The following INPP4B variants were observed in gnomAD, a reference collection of about 807,000 sequenced individuals.
The protein encoded by INPP4B is inositol polyphosphate-4-phosphatase type II B.
Under a neutral mutation model 122.5 loss-of-function variants are expected in INPP4B, and 55 were observed. The ratio of observed to expected loss-of-function variants is 0.45; its 90% CI spans 0.36 to 0.56. The LOEUF is 0.56. INPP4B is among the 20% of genes least tolerant of loss of function. The pLI, the probability that INPP4B is intolerant of heterozygous loss-of-function variation, is 0.00. For synonymous variants in INPP4B, 403 were observed against 388.7 expected, an observed-to-expected ratio of 1.04 and a Z score of -0.43; for missense variants, 1,000 against 1,097.7, an observed-to-expected ratio of 0.91 and a Z score of 1.26.
At chr4:142,227,871 A>AG (rs1363242903) in intron 12 of INPP4B, among the ~76,000 whole-genome samples, 9 of 150,322 alleles carry the variant, frequency 6.0e-5, no homozygotes, top group South Asian at 4.2e-4. Context: ...AAAAAAAAAA[A>AG]AAAAAAAAAG....
At chr4:142,699,732 C>T (rs879621713) in intron 2 of INPP4B, among the ~76,000 whole-genome samples, 1 of 152,142 alleles carries the variant, frequency 6.6e-6, no homozygotes, top group Non-Finnish European at 1.5e-5. Flanking sequence ...AAAATATAAG[C>T]AACTGGAAGA....
At chr4:142,070,381 T>C (rs1051382490) in intron 25 of INPP4B, among the ~76,000 whole-genome samples, 1 of 152,198 alleles carries the variant, frequency 6.6e-6, no homozygotes, top group African/African-American at 2.4e-5. Flanking sequence ...GCCAATATCA[T>C]ACTGAATGGG....
chr4:142,163,651 G>C (rs1251860090), intron 16 of INPP4B, among the ~76,000 whole-genome samples: 2 of 151,768 alleles, frequency 1.3e-5, no homozygotes, highest in Non-Finnish European at 2.9e-5. Context: ...AAATTAAATT[G>C]TATCATAGCT....
chr4:142,431,947 G>A (rs190734343), intron 3 of INPP4B, among the ~76,000 whole-genome samples: 1 of 151,890 alleles, frequency 6.6e-6, no homozygotes, highest in Non-Finnish European at 1.5e-5. Flanking sequence ...ACTTGATAAA[G>A]GTGTAATTGT....
chr4:142,241,890 T>A (rs181039686), intron 11 of INPP4B, among the ~76,000 whole-genome samples: 36 of 152,312 alleles, frequency 2.4e-4, no homozygotes, highest in Admixed American at 2.4e-3. Flanking sequence ...AATCTGTGAT[T>A]ATCTTCACAC....
intron 7 of INPP4B, among the ~76,000 whole-genome samples, chr4:142,319,034 G>T (rs1361051905): frequency 6.6e-6 from 1 of 152,100 alleles, no homozygotes; most frequent in Non-Finnish European, 1.5e-5. Flanking sequence ...TCCATTTTTT[G>T]CAGGTGAGTA....
chr4:142,173,986 C>T (rs79702552), intron 15 of INPP4B, among the ~76,000 whole-genome samples, 177 bp from the exon 16 acceptor site: 14,898 of 151,952 alleles, frequency 0.098, 807 homozygotes, highest in Middle Eastern at 0.14. Context: ...GACGAAAATG[C>T]TTTTTAAAAC....
intron 1 of INPP4B, among the ~76,000 whole-genome samples, chr4:142,810,791 C>T (rs1779415203): frequency 6.6e-6 from 1 of 152,188 alleles, no homozygotes; most frequent in South Asian, 2.1e-4. Flanking sequence ...AAGAAATTTT[C>T]CAGGACCGAA....
chr4:142,110,890 G>A (rs1407731689), intron 22 of INPP4B, among the ~76,000 whole-genome samples: 2 of 152,078 alleles, frequency 1.3e-5, no homozygotes, highest in East Asian at 1.9e-4. Flanking sequence ...GTAAATGGAA[G>A]AGTCTCATAT....
At chr4:142,627,329 C>T (rs1746691698) in intron 2 of INPP4B, among the ~76,000 whole-genome samples, 1 of 149,220 alleles carries the variant, frequency 6.7e-6, no homozygotes, top group Non-Finnish European at 1.5e-5. Flanking sequence ...CTGTCTTATG[C>T]CAGTTTTCAA....
intron 2 of INPP4B, among the ~76,000 whole-genome samples, chr4:142,645,073 C>G (rs944453982): frequency 6.6e-6 from 1 of 151,934 alleles, no homozygotes; most frequent in Admixed American, 6.6e-5. Flanking sequence ...TACTAGTCAT[C>G]AACAAACAAA....
intron 1 of INPP4B, among the ~76,000 whole-genome samples, chr4:142,790,698 TTAAC>T (rs942265086): frequency 7.2e-5 from 11 of 152,042 alleles, no homozygotes; most frequent in African/African-American, 2.4e-4. Flanking sequence ...ATTAAACTGA[TTAAC>T]TATTAAACTG....
At chr4:142,812,134 T>C (rs191711199) in intron 1 of INPP4B, among the ~76,000 whole-genome samples, 1 of 152,286 alleles carries the variant, frequency 6.6e-6, no homozygotes, top group Admixed American at 6.5e-5. Flanking sequence ...AATTAAAGCC[T>C]CTTACAGTTA....
chr4:142,605,138 T>A (rs1165042063), intron 2 of INPP4B, among the ~76,000 whole-genome samples: 1 of 151,906 alleles, frequency 6.6e-6, no homozygotes, highest in African/African-American at 2.4e-5. Flanking sequence ...CAAGACTGAC[T>A]CCAAATAAAC....
Position 142,402,938 on chromosome 4 carries a change from G to A in INPP4B, c.372C>T (p.Thr124=), listed in dbSNP as rs770621485. 1.9e-5 allele frequency: 26 copies of A among 1,381,682 alleles called. No homozygotes were observed. The highest frequency in any genetic ancestry group is 2.3e-5 in the South Asian group (2 of 86,208). The allele number at this position is 1,381,682 out of a possible 1,614,324, so 85.6% of individuals were successfully genotyped here. ...GAAAGAAAGAAGTACCAGTACTTAC[G>A]GTGTCATGAGACTTATCCTTGACAT... is the stretch of plus-strand genomic sequence containing the variant. The part of the protein sequence containing the change: ...VYDVKDKSHD[T]VRTSVLPEHK... Residue 124 remains threonine, a splice_region_variant and synonymous_variant, in exon 7 of 26, where the codon ACC becomes ACT. Transcript: ENST00000262992.
At chr4:142,751,932 AC>A (rs1320801275) in intron 1 of INPP4B, among the ~76,000 whole-genome samples, 1 of 152,002 alleles carries the variant, frequency 6.6e-6, no homozygotes, top group Non-Finnish European at 1.5e-5. Context: ...AATTTATTTC[AC>A]CCTCCCCAAA....
chr4:142,163,802 G>A (rs1821318818), intron 16 of INPP4B, among the ~76,000 whole-genome samples: 1 of 151,710 alleles, frequency 6.6e-6, no homozygotes, highest in Admixed American at 6.6e-5. Flanking sequence ...GACGATACTA[G>A]GAAAGTTGAA....
At chr4:142,841,548 T>C (rs1161347052) in intron 1 of INPP4B, among the ~76,000 whole-genome samples, 3 of 151,898 alleles carry the variant, frequency 2.0e-5, no homozygotes, top group African/African-American at 4.8e-5. Context: ...AGAACTAAGG[T>C]GAAAGGTGAA....
chr4:142,104,783 A>C lies in INPP4B; in HGVS notation c.2374+3310T>G, dbSNP rs577973043. 4.3e-4 allele frequency among the ~76,000 whole-genome samples: 66 copies of C among 152,310 alleles called. 2 individuals are homozygous for C. The highest frequency in any genetic ancestry group is 1.5e-3 in the African/African-American group (61 of 41,584). ...CAGTGTTTATAAATAACCTAAGCAC[A>C]TCATCCCCTATACTTTAAATTACCT... On this transcript the variant is annotated intron_variant, in intron 23 of 25. Transcript: ENST00000262992.
Sources: gnomAD v4.1 joint callset for allele counts (sites outside exome capture counted in the v4.1 genomes callset) on GRCh38, gnomAD v4.1.1 for gene constraint, MANE v1.5 for transcripts, NCBI Gene and HGNC (gene_info 2026-07-23, HGNC 2026-07-21) for gene names.